Variants in AKAP12 observed in about 807,000 individuals in gnomAD.
AKAP12 encodes A-kinase anchoring protein 12, also known as A-kinase anchor protein 12.
AKAP12 carries 32 observed loss-of-function variants against 79.9 expected under a neutral mutation model. The observed-to-expected ratio is 0.40, with a 90% CI of 0.30 to 0.54. The LOEUF is 0.54. AKAP12 is among the 20% of genes least tolerant of loss of function. The pLI, the probability that AKAP12 is intolerant of heterozygous loss-of-function variation, is 0.48. For synonymous variants in AKAP12, 808 were observed against 857.0 expected (o/e 0.94, Z 1.00); for missense variants, 2,074 against 2,177.0 (o/e 0.95, Z 0.94).
chr6:151,285,572 T>C (rs1184931754), intron 2 of AKAP12, among the ~76,000 whole-genome samples: 1 of 151,996 alleles, frequency 6.6e-6, no homozygotes, highest in Admixed American at 6.6e-5. Context: ...GTGACTTCTC[T>C]GGTTGTAATG....
Position 151,240,471 on chromosome 6 carries a change from G to C in AKAP12, c.-92G>C, listed in dbSNP as rs1796948858. The C allele has an allele frequency of 7.7e-7, 1 of 1,292,146 alleles. No individual in the cohort carries two copies. Among genetic ancestry groups the C allele is most frequent in the Non-Finnish European group, 9.8e-7 (1 of 1,015,788 alleles). The allele number at this position is 1,292,146 out of a possible 1,614,324, so 80.0% of individuals were successfully genotyped here. A position where few individuals can be genotyped will look rare whatever the true frequency, so the allele number is the denominator to read the frequency against. Reference sequence around the variant, plus strand: ...CGAAGGAAGGCGCTCTCGGGACCTCGCGGGCGCGCGTCTTTTGGCTCTTGC... The same window carrying C: ...CGAAGGAAGGCGCTCTCGGGACCTCCCGGGCGCGCGTCTTTTGGCTCTTGC... On this transcript the variant is annotated 5_prime_UTR_variant, in exon 2 of 5. Coordinates refer to ENST00000402676, the MANE Select transcript of AKAP12 (RefSeq NM_005100.4).
intron 2 of AKAP12, among the ~76,000 whole-genome samples, chr6:151,271,325 CT>C (rs113260783): frequency 0.088 from 12,448 of 140,836 alleles, 576 homozygotes; most frequent in African/African-American, 0.15. Flanking sequence ...AACGAAGAAA[CT>C]TTTTTTTTTT....
At chr6:151,311,632 G>A (rs1386405649) in intron 3 of AKAP12, among the ~76,000 whole-genome samples, 1 of 152,158 alleles carries the variant, frequency 6.6e-6, no homozygotes, top group Non-Finnish European at 1.5e-5. Context: ...CTACATCTGA[G>A]TATTTTCCCC....
chr6:151,261,951 C>G (rs994995841), intron 2 of AKAP12, among the ~76,000 whole-genome samples: 3 of 151,592 alleles, frequency 2.0e-5, no homozygotes, highest in African/African-American at 7.3e-5. Flanking sequence ...AAGTGGGTGG[C>G]TGAGTTGTTA....
At position 151,278,869 on chromosome 6, in the gene AKAP12, G is replaced by A. The variant is rs559421926; in HGVS notation, c.163-26878G>A. On this transcript the variant is annotated intron_variant, in intron 2 of 4. Coordinates refer to ENST00000402676, the MANE Select transcript of AKAP12 (RefSeq NM_005100.4). ...TTTTTAGTAGAGACAGGGTTTCACC[G>A]TGTTAGCCAGGATGGTCTCGATCTC... Among the ~76,000 whole-genome samples, 31 of 151,904 alleles carry A rather than the reference G, an allele frequency of 2.0e-4. No homozygotes were observed. In the South Asian group the frequency reaches 4.6e-3, roughly 22 times the overall value.
intron 3 of AKAP12, 30 bp from the exon 4 acceptor site, chr6:151,348,681 C>CACCCT: frequency 4.6e-6 from 1 of 218,350 alleles, no homozygotes; most frequent in East Asian, 1.2e-4. Flanking sequence ...TTTCTCTTCT[C>CACCCT]CCCACCCCCC....
intron 2 of AKAP12, among the ~76,000 whole-genome samples, chr6:151,256,023 G>A (rs1258101712): frequency 6.6e-6 from 1 of 152,076 alleles, no homozygotes; most frequent in African/African-American, 2.4e-5. Flanking sequence ...TCCAAGTGCT[G>A]GACAAGAGGC....
chr6:151,351,293 G>A lies in AKAP12; in HGVS notation c.2902G>A (p.Glu968Lys). Residue 968 changes from glutamate to lysine, a missense_variant, in exon 4 of 5, where the codon GAG becomes AAG. By Grantham distance (56) the Glu-to-Lys change is moderately conservative (BLOSUM62 1). Around this residue, in one of 3 missense-constraint regions of AKAP12, gnomAD observed 1,428 missense variants for 1,451.0 expected, o/e 0.98. Transcript: ENST00000402676. The surrounding 1 kb of genome is among the most constrained non-coding windows in gnomAD (Gnocchi z 4.4). Reference sequence around the variant, plus strand: ...GGCCCGGGGCGACACGGTCGTTAGTGAGGCGGAATTGACCCCCGAAGCTGT... The same window carrying A: ...GGCCCGGGGCGACACGGTCGTTAGTAAGGCGGAATTGACCCCCGAAGCTGT... ...REARGDTVVS[E>K]AELTPEAVTA... The A allele has an allele frequency of 6.2e-7, 1 of 1,614,232 alleles. No individual in the cohort carries two copies. Among genetic ancestry groups the A allele is most frequent in the Non-Finnish European group, 8.5e-7 (1 of 1,180,052 alleles).
intron 2 of AKAP12, among the ~76,000 whole-genome samples, chr6:151,276,203 T>C (rs948254588): frequency 1.3e-5 from 2 of 151,946 alleles, no homozygotes; most frequent in Non-Finnish European, 2.9e-5. Context: ...TCTTTCCATG[T>C]TCCTGAACAC....
intron 2 of AKAP12, among the ~76,000 whole-genome samples, chr6:151,282,695 T>C (rs1297771): frequency 0.97 from 147,709 of 152,202 alleles, 71,717 homozygotes; most frequent in East Asian, 1. Flanking sequence ...ATGGTGTTAC[T>C]GCTCACAGGG....
At chr6:151,250,897 C>G (rs754930596) in intron 2 of AKAP12, among the ~76,000 whole-genome samples, 2 of 152,034 alleles carry the variant, frequency 1.3e-5, no homozygotes, top group Non-Finnish European at 2.9e-5. Context: ...TGAGCCACTG[C>G]GCCCGGCCAA....
At chr6:151,304,242 C>A (rs2011783) in intron 2 of AKAP12, among the ~76,000 whole-genome samples, 9,666 of 151,918 alleles carry the variant, frequency 0.064, 388 homozygotes, top group Middle Eastern at 0.15. Context: ...GTAATCCTAG[C>A]ACTTTGGGAG....
At chr6:151,324,764 A>AAAAAGTGT in intron 3 of AKAP12, 1 of 985,408 alleles carries the variant, frequency 1.0e-6, no homozygotes, top group Non-Finnish European at 1.2e-6. Flanking sequence ...TGGAGTACAA[A>AAAAAGTGT]AAAAGTGTAT....
chr6:151,327,361 A>G (rs1481096004), intron 3 of AKAP12, among the ~76,000 whole-genome samples: 1 of 152,164 alleles, frequency 6.6e-6, no homozygotes, highest in African/African-American at 2.4e-5. Context: ...TTTATGCCAT[A>G]TCTCGAAACT....
rs1433366420 is a variant in AKAP12 at position 151,240,694 on chromosome 6, C to T, written c.132C>T (p.Pro44=). ...AEAAPDTTAD[P]AIAASDPATK... ...CGGCGCCAGACACCACCGCGGACCC[C>T]GCCATCGCTGCCTCGGACCCCGCCA... Residue 44 remains proline (P), a synonymous_variant, in exon 2 of 5, where the codon CCC becomes CCT. Coordinates refer to ENST00000402676, the MANE Select transcript of AKAP12 (RefSeq NM_005100.4). 7 of 1,280,530 alleles carry T rather than the reference C, an allele frequency of 5.5e-6. No homozygotes were observed. In the East Asian group the frequency reaches 1.9e-4, roughly 35 times the overall value. The allele number at this position is 1,280,530 out of a possible 1,614,324, so 79.3% of individuals were successfully genotyped here.
At position 151,353,639 on chromosome 6, in the gene AKAP12, A is replaced by G. The variant is rs760881057; in HGVS notation, c.5248A>G (p.Lys1750Glu). 2 of 1,614,172 alleles carry G rather than the reference A, an allele frequency of 1.2e-6. No individual in the cohort carries two copies. Among genetic ancestry groups the G allele is most frequent in the Admixed American group, 3.3e-5 (2 of 60,018 alleles). Reference sequence around the variant, plus strand: ...CCAGGAAGTAGAATTGCAGGAAGGAAAAGTGCACAGTGAATCAGATAAAGC... The same window carrying G: ...CCAGGAAGTAGAATTGCAGGAAGGAGAAGTGCACAGTGAATCAGATAAAGC... ...DAQEVELQEG[K>E]VHSESDKAIT... The change falls in exon 4 of 5, where the codon AAA (lysine) becomes GAA (glutamate). Residue 1750 changes from lysine (K) to glutamate (E), a missense_variant. Coordinates refer to ENST00000402676, the MANE Select transcript of AKAP12 (RefSeq NM_005100.4).
intron 3 of AKAP12, chr6:151,348,235 G>A: frequency 2.7e-6 from 1 of 369,522 alleles, no homozygotes; most frequent in South Asian, 2.1e-5. Context: ...GCTGAGGTGG[G>A]AGAATCACTT....
intron 2 of AKAP12, among the ~76,000 whole-genome samples, chr6:151,273,712 G>GGT (rs1473868886): frequency 1.3e-5 from 2 of 152,150 alleles, no homozygotes; most frequent in African/African-American, 4.8e-5. Context: ...AGAATGGCTA[G>GGT]GTGGTTACTT....
chr6:151,244,833 G>A (rs926207393), intron 2 of AKAP12, among the ~76,000 whole-genome samples: 6 of 152,244 alleles, frequency 3.9e-5, no homozygotes, highest in African/African-American at 1.4e-4. Flanking sequence ...AGATATGGAT[G>A]TGGGGATGAT....
Sources: gnomAD v4.1 joint callset for allele counts (sites outside exome capture counted in the v4.1 genomes callset) on GRCh38, gnomAD v4.1.1 for gene constraint, gnomAD v4.1.1 regional missense constraint, Gnocchi (gnomAD v3.1) non-coding constraint, MANE v1.5 for transcripts, NCBI Gene and HGNC (gene_info 2026-07-23, HGNC 2026-07-21) for gene names.